Variants in NUDT3 observed in about 807,000 individuals in gnomAD.
NUDT3 encodes the protein nudix hydrolase 3.
Under a neutral mutation model 23.6 loss-of-function variants are expected in NUDT3, and 9 were observed. The observed-to-expected ratio is 0.38, with a 90% confidence interval of 0.23 to 0.66. NUDT3 has a LOEUF of 0.66. Ranked by LOEUF, NUDT3 falls within the 30% of genes least tolerant of loss-of-function variation. The pLI is 0.52. For synonymous variants in NUDT3, 86 were observed against 82.6 expected, an observed-to-expected ratio of 1.04 and a Z score of -0.22; for missense variants, 172 against 218.5, an observed-to-expected ratio of 0.79 and a Z score of 1.34.
chr6:34,372,961 T>C (rs1460482669), intron 1 of NUDT3, among the ~76,000 whole-genome samples: 1 of 151,370 alleles, frequency 6.6e-6, no homozygotes, highest in African/African-American at 2.4e-5. Flanking sequence ...CTTTAATATA[T>C]ATACATAGAG....
intron 1 of NUDT3, among the ~76,000 whole-genome samples, chr6:34,374,971 G>A (rs992531348): frequency 2.6e-5 from 4 of 152,192 alleles, no homozygotes; most frequent in African/African-American, 4.8e-5. Flanking sequence ...CCTCTCCAGC[G>A]TCTATATGCA....
intron 2 of NUDT3, among the ~76,000 whole-genome samples, chr6:34,317,367 C>T (rs1763878319): frequency 1.3e-5 from 2 of 151,878 alleles, no homozygotes; most frequent in Non-Finnish European, 2.9e-5. Context: ...GTATTTAAAG[C>T]CTCCAGATTG....
rs766731516 is a variant in NUDT3 at position 34,392,370 on chromosome 6, G to A, written c.-8C>T. 6.3e-7 allele frequency: 1 copy of A among 1,597,278 alleles called. No individual in the cohort carries two copies. Among genetic ancestry groups the A allele is most frequent in the South Asian group, 1.1e-5 (1 of 89,572 alleles). Reference sequence around the variant, plus strand: ...CGACTTGAGCTTCATCATCCTCCGGGCCCGGGTGGGGGTGCGGTGCGGGTC... The same window carrying A: ...CGACTTGAGCTTCATCATCCTCCGGACCCGGGTGGGGGTGCGGTGCGGGTC... On this transcript the variant is annotated 5_prime_UTR_variant, in exon 1 of 5. Coordinates refer to ENST00000607016, the MANE Select transcript of NUDT3 (RefSeq NM_006703.4).
intron 2 of NUDT3, among the ~76,000 whole-genome samples, chr6:34,296,708 A>C (rs1339451645): frequency 6.6e-6 from 1 of 152,250 alleles, no homozygotes; most frequent in Admixed American, 6.5e-5. Context: ...GTAACAGTGA[A>C]TAGGCTAGAA....
intron 2 of NUDT3, among the ~76,000 whole-genome samples, chr6:34,303,696 G>A (rs1367559533): frequency 1.3e-5 from 2 of 152,048 alleles, no homozygotes; most frequent in Admixed American, 1.3e-4. Context: ...TAGAATTTGT[G>A]CAAATTCTCA....
rs1764061760 is a variant in NUDT3 at position 34,327,676 on chromosome 6, C to T, written c.210+14186G>A. On this transcript the variant is annotated intron_variant, in intron 2 of 4. Transcript: ENST00000607016. ...GGAGCGTGACCACTGAAGCACAGCA[C>T]TACAGAGAGGGGTTTAAGCTTCCAG... 2.0e-5 allele frequency among the ~76,000 whole-genome samples: 3 copies of T among 152,288 alleles called. No homozygotes were observed. In the South Asian group the frequency reaches 6.2e-4, roughly 32 times the overall value.
chr6:34,391,788 C>A (rs1478845777), intron 1 of NUDT3, among the ~76,000 whole-genome samples: 1 of 137,854 alleles, frequency 7.3e-6, no homozygotes, highest in Non-Finnish European at 1.6e-5. Context: ...GACATATAAT[C>A]CCTCGGCAAA....
chr6:34,347,973 C>G (rs185304928), intron 1 of NUDT3, among the ~76,000 whole-genome samples: 96 of 149,644 alleles, frequency 6.4e-4, no homozygotes, highest in African/African-American at 2.2e-3. Flanking sequence ...CCATGTCTAC[C>G]AAAAAAATAA....
intron 1 of NUDT3, among the ~76,000 whole-genome samples, chr6:34,346,016 G>A (rs751567349): frequency 2.1e-4 from 32 of 152,044 alleles, no homozygotes; most frequent in East Asian, 3.9e-4. Context: ...TCATCCGCCC[G>A]CCTTGGCCTC....
chr6:34,336,664 C>T (rs907249714), intron 2 of NUDT3, among the ~76,000 whole-genome samples: 2 of 151,892 alleles, frequency 1.3e-5, no homozygotes, highest in African/African-American at 4.8e-5. Flanking sequence ...AAAGTGCTTC[C>T]CCCTGTGTTT....
intron 1 of NUDT3, among the ~76,000 whole-genome samples, chr6:34,384,044 T>C (rs939055618): frequency 2.0e-5 from 3 of 152,208 alleles, no homozygotes; most frequent in African/African-American, 7.2e-5. Context: ...CCCTTTGTCA[T>C]GATTATTGCC....
chr6:34,351,849 T>C (rs967532946), intron 1 of NUDT3, among the ~76,000 whole-genome samples: 5 of 151,534 alleles, frequency 3.3e-5, no homozygotes, highest in African/African-American at 1.2e-4. Context: ...TACAGTGCAA[T>C]TGGCAGTGCT....
At chr6:34,351,214 A>AAAAAAAAAAAC (rs1764466444) in intron 1 of NUDT3, among the ~76,000 whole-genome samples, 1 of 136,264 alleles carries the variant, frequency 7.3e-6, no homozygotes, top group African/African-American at 2.8e-5. Context: ...AAAAAAAAAA[A>AAAAAAAAAAAC]AAAAAAAAAA....
intron 3 of NUDT3, 124 bp from the exon 4 acceptor site, chr6:34,293,659 T>A: frequency 1.8e-6 from 2 of 1,110,112 alleles, no homozygotes; most frequent in Non-Finnish European, 2.6e-6. Flanking sequence ...ACTTTTACTT[T>A]TTATGGTCCT....
chr6:34,344,548 G>A (rs947746789), intron 1 of NUDT3, among the ~76,000 whole-genome samples: 3 of 152,194 alleles, frequency 2.0e-5, no homozygotes, highest in African/African-American at 7.2e-5. Context: ...ACTGGGGGAA[G>A]GGGAAAATGA....
At chr6:34,313,594 G>A (rs78741202) in intron 2 of NUDT3, among the ~76,000 whole-genome samples, 14,523 of 151,942 alleles carry the variant, frequency 0.096, 794 homozygotes, top group Non-Finnish European at 0.12. Context: ...CTATGCACAC[G>A]TAGGGTCGGT....
At chr6:34,299,900 CAA>C (rs527665276) in intron 2 of NUDT3, among the ~76,000 whole-genome samples, 5 of 133,378 alleles carry the variant, frequency 3.7e-5, no homozygotes, top group African/African-American at 2.8e-5. Flanking sequence ...GAGACTGTCT[CAA>C]AAAAAAAAAA....
chr6:34,311,507 A>G (rs1472502437), intron 2 of NUDT3, among the ~76,000 whole-genome samples: 1 of 152,192 alleles, frequency 6.6e-6, no homozygotes, highest in Non-Finnish European at 1.5e-5. Flanking sequence ...GTTCTTCCCA[A>G]CTTGATTTAC....
At chr6:34,303,227 T>TTTG (rs1400527836) in intron 2 of NUDT3, among the ~76,000 whole-genome samples, 4 of 123,622 alleles carry the variant, frequency 3.2e-5, no homozygotes, top group African/African-American at 1.1e-4. Flanking sequence ...TTTTTTTTTT[T>TTTG]GTAGAATTGG....
Sources: allele counts gnomAD v4.1 joint callset (sites outside exome capture counted in the v4.1 genomes callset), GRCh38; gene constraint gnomAD v4.1.1; transcripts MANE v1.5; gene names NCBI Gene and HGNC (gene_info 2026-07-23, HGNC 2026-07-21).